Variants in CBFB observed in about 807,000 individuals in gnomAD.
CBFB encodes core-binding factor subunit beta.
In CBFB, 9 loss-of-function variants were observed where a neutral mutation model predicts 30.4. That is an observed-to-expected ratio of 0.30 (90% CI 0.18 to 0.52). The LOEUF is 0.52. Ranked by LOEUF, CBFB falls within the 20% of genes least tolerant of loss-of-function variation. CBFB has a pLI of 0.97. For missense variants in CBFB, 170 were observed against 244.0 expected, an observed-to-expected ratio of 0.70 and a Z score of 2.02; for synonymous variants, 94 against 84.0, an observed-to-expected ratio of 1.12 and a Z score of -0.65.
At chr16:67,051,758 T>C (rs1441873788) in intron 3 of CBFB, among the ~76,000 whole-genome samples, 1 of 151,600 alleles carries the variant, frequency 6.6e-6, no homozygotes, top group Admixed American at 6.6e-5. Context: ...TTTGTGTTTT[T>C]TTTTTTCTGA....
chr16:67,029,839 G>C, intron 2 of CBFB, 26 bp downstream of exon 2: 1 of 1,554,498 alleles, frequency 6.4e-7, no homozygotes, highest in Non-Finnish European at 8.7e-7. Flanking sequence ...CGGGGCGCGC[G>C]CGGGTCACTT....
chr16:67,050,021 G>A (rs1966709823), intron 3 of CBFB, among the ~76,000 whole-genome samples: 1 of 151,718 alleles, frequency 6.6e-6, no homozygotes, highest in African/African-American at 2.4e-5. Flanking sequence ...TTACCCCTAA[G>A]TCTGTTCTTT....
chr16:67,050,296 CAA>C (rs945555677), intron 3 of CBFB, among the ~76,000 whole-genome samples: 3 of 146,902 alleles, frequency 2.0e-5, no homozygotes, highest in Non-Finnish European at 4.5e-5. Flanking sequence ...AATTATATGT[CAA>C]TATATATAGC....
chr16:67,060,793 G>A (rs1269030201), intron 3 of CBFB, among the ~76,000 whole-genome samples: 1 of 152,158 alleles, frequency 6.6e-6, no homozygotes, highest in African/African-American at 2.4e-5. Flanking sequence ...GACCTCAGAT[G>A]ATCTGCCCAT....
intron 5 of CBFB, among the ~76,000 whole-genome samples, chr16:67,091,216 G>A (rs541459349): frequency 6.6e-6 from 1 of 152,318 alleles, no homozygotes; most frequent in African/African-American, 2.4e-5. Context: ...TCTATCAGAG[G>A]AGCAATAGAC....
intron 5 of CBFB, among the ~76,000 whole-genome samples, chr16:67,086,750 G>A (rs2079916314): frequency 6.6e-6 from 1 of 152,126 alleles, no homozygotes; most frequent in Non-Finnish European, 1.5e-5. Flanking sequence ...TTCTGCATTA[G>A]GGACTGAGAA....
intron 3 of CBFB, among the ~76,000 whole-genome samples, chr16:67,066,349 A>G (rs143930606): frequency 6.9e-6 from 1 of 144,794 alleles, no homozygotes. Flanking sequence ...GGAGTTCAGC[A>G]CCAGCCTGGG....
At chr16:67,081,656 AT>A (rs1567621657) in intron 4 of CBFB, among the ~76,000 whole-genome samples, 1 of 151,890 alleles carries the variant, frequency 6.6e-6, no homozygotes, top group Non-Finnish European at 1.5e-5. Context: ...AAAAAAAAAA[AT>A]TAACCAGGTG....
At chr16:67,045,094 CTTAT>C (rs1485969993) in intron 3 of CBFB, among the ~76,000 whole-genome samples, 2 of 151,462 alleles carry the variant, frequency 1.3e-5, no homozygotes, top group Non-Finnish European at 2.9e-5. Flanking sequence ...TAACTGCAAG[CTTAT>C]ATATATATAT....
At chr16:67,039,568 T>G (rs1282780791) in intron 3 of CBFB, among the ~76,000 whole-genome samples, 1 of 152,338 alleles carries the variant, frequency 6.6e-6, no homozygotes, top group African/African-American at 2.4e-5. Context: ...ACAAGACCAC[T>G]GTCATATATG....
chr16:67,095,569 A>C (rs899534221), intron 5 of CBFB, among the ~76,000 whole-genome samples: 1 of 152,044 alleles, frequency 6.6e-6, no homozygotes, highest in South Asian at 2.1e-4. Flanking sequence ...AACTGTTGCT[A>C]CTTGGGAAGG....
intron 3 of CBFB, among the ~76,000 whole-genome samples, chr16:67,043,705 CAT>C (rs1341635645): frequency 2.0e-5 from 3 of 152,316 alleles, no homozygotes. Flanking sequence ...TCATGTGCCT[CAT>C]GTGAGAATTA....
rs540726657 is a variant in CBFB at position 67,050,096 on chromosome 16, T to C, written c.282+13341T>C. On this transcript the variant is annotated intron_variant, in intron 3 of 5. Coordinates refer to ENST00000412916, the MANE Select transcript of CBFB (RefSeq NM_022845.3). ...TTGATGCAAACTCCACATACCACCT[T>C]CCAAAGCCTTATTTAGAGTTATTTT... Among the ~76,000 whole-genome samples the C allele has an allele frequency of 2.7e-5, 4 of 150,934 alleles. No individual in the cohort carries two copies. In the East Asian group the frequency reaches 7.7e-4, roughly 29 times the overall value.
chr16:67,062,059 C>G (rs1055912122), intron 3 of CBFB, among the ~76,000 whole-genome samples: 3 of 152,020 alleles, frequency 2.0e-5, no homozygotes, highest in Non-Finnish European at 4.4e-5. Flanking sequence ...TACTCATTTT[C>G]TGAAACCATT....
intron 2 of CBFB, among the ~76,000 whole-genome samples, chr16:67,031,204 A>G (rs1186274214): frequency 3.9e-5 from 6 of 152,240 alleles, no homozygotes; most frequent in Non-Finnish European, 1.5e-5. Context: ...TACTGGTTAA[A>G]TTTATCAGGA....
intron 3 of CBFB, 132 bp downstream of exon 3, chr16:67,036,887 T>G (rs1435815594): frequency 3.1e-6 from 2 of 635,870 alleles, no homozygotes; most frequent in African/African-American, 1.8e-5. Flanking sequence ...TCATTCCATG[T>G]TATAAGGATG....
intron 5 of CBFB, among the ~76,000 whole-genome samples, chr16:67,095,713 A>G: frequency 7.4e-6 from 1 of 135,862 alleles, no homozygotes. Context: ...TTTTTTGGAG[A>G]CAGAGTTTCC....
intron 3 of CBFB, among the ~76,000 whole-genome samples, chr16:67,040,956 C>T (rs984147334): frequency 6.6e-6 from 1 of 152,086 alleles, no homozygotes; most frequent in African/African-American, 2.4e-5. Context: ...TGATCAACAG[C>T]AAGCAGGCCA....
At chr16:67,029,558 C>T in intron 1 of CBFB, 73 bp downstream of exon 1, 1 of 1,460,982 alleles carries the variant, frequency 6.8e-7, no homozygotes, top group Non-Finnish European at 9.3e-7. Context: ...AAAGTTTGGG[C>T]GGCACGGTCC....
Sources: gnomAD v4.1 joint callset for allele counts (sites outside exome capture counted in the v4.1 genomes callset) on GRCh38, gnomAD v4.1.1 for gene constraint, MANE v1.5 for transcripts, NCBI Gene and HGNC (gene_info 2026-07-23, HGNC 2026-07-21) for gene names.